Variants in TMTC1 observed in about 807,000 individuals in gnomAD.
TMTC1 encodes the protein transmembrane O-mannosyltransferase targeting cadherins 1.
TMTC1 carries 73 observed loss-of-function variants against 104.8 expected under a neutral mutation model. The observed-to-expected ratio is 0.70, with a 90% CI of 0.58 to 0.85. TMTC1 has a LOEUF of 0.85. Ranked by LOEUF, TMTC1 falls within the 40% of genes least tolerant of loss-of-function variation. The pLI, the probability that TMTC1 is intolerant of heterozygous loss-of-function variation, is 0.00. For missense variants in TMTC1, 1,035 were observed against 1,096.1 expected, an observed-to-expected ratio of 0.94 and a Z score of 0.79; for synonymous variants, 434 against 428.7, an observed-to-expected ratio of 1.01 and a Z score of -0.15.
chr12:29,753,972 T>C (rs1313724866), intron 4 of TMTC1, among the ~76,000 whole-genome samples: 1 of 152,154 alleles, frequency 6.6e-6, no homozygotes, highest in African/African-American at 2.4e-5. Context: ...GTTCAAGCAA[T>C]TCTCCTTCCT....
In TMTC1 at chr12:29,518,613, A is replaced by G. The variant is rs1271007781; in HGVS notation, c.1889-6T>C. The G allele has an allele frequency of 6.2e-7, 1 of 1,613,876 alleles. No individual in the cohort carries two copies. The highest frequency in any genetic ancestry group is 1.7e-5 in the Admixed American group (1 of 60,006). On this transcript the variant is annotated splice_polypyrimidine_tract_variant and splice_region_variant and intron_variant, in intron 12 of 17. Coordinates refer to ENST00000539277, the MANE Select transcript of TMTC1 (RefSeq NM_001193451.2). ...CACTGCCTTTTCTGGTAAGCCTGTAACCAGTGACAGGTTGGTAAGAGCAGA... is the reference window on the plus strand; with the variant it reads ...CACTGCCTTTTCTGGTAAGCCTGTAGCCAGTGACAGGTTGGTAAGAGCAGA...
chr12:29,774,051 G>A (rs1943653495), intron 1 of TMTC1, among the ~76,000 whole-genome samples: 1 of 152,034 alleles, frequency 6.6e-6, no homozygotes, highest in Admixed American at 6.6e-5. Context: ...TGTGCAGGTG[G>A]CATGTGATAA....
intron 5 of TMTC1, among the ~76,000 whole-genome samples, chr12:29,637,097 C>G (rs1268561149): frequency 6.8e-6 from 1 of 146,342 alleles, no homozygotes; most frequent in Non-Finnish European, 1.5e-5. Flanking sequence ...CACACACACA[C>G]ACACACACAC....
At position 29,767,919 on chromosome 12, in the gene TMTC1, T is replaced by C; in HGVS notation, c.459A>G (p.Val153=). The C allele has an allele frequency of 6.2e-7, 1 of 1,613,814 alleles. No homozygotes were observed. Among genetic ancestry groups the C allele is most frequent in the Non-Finnish European group, 8.5e-7 (1 of 1,179,854 alleles). ...TTACCGCCTCAGTATGAATAGGATG[T>C]ACAGCAAAAAGCAATGCCGTTACAA... is the stretch of plus-strand genomic sequence containing the variant. The part of the protein sequence containing the change: ...LAFVTALLFA[V]HPIHTEAVAG... Residue 153 remains valine, a synonymous_variant, in exon 2 of 18, where the codon GTA becomes GTG. Transcript: ENST00000539277.
chr12:29,582,756 T>C (rs960622548), intron 8 of TMTC1, among the ~76,000 whole-genome samples: 24 of 152,202 alleles, frequency 1.6e-4, no homozygotes, highest in African/African-American at 4.6e-4. Flanking sequence ...GGTGACTAAA[T>C]TGACCAATCA....
chr12:29,603,847 G>A (rs1946628175), intron 7 of TMTC1, among the ~76,000 whole-genome samples: 1 of 152,134 alleles, frequency 6.6e-6, no homozygotes, highest in African/African-American at 2.4e-5. Context: ...AACATTTCTA[G>A]AAAAGTATTA....
chr12:29,650,355 G>T (rs1361285655), intron 5 of TMTC1, among the ~76,000 whole-genome samples: 2 of 152,054 alleles, frequency 1.3e-5, no homozygotes, highest in African/African-American at 4.8e-5. Flanking sequence ...AAAGTGCCGG[G>T]ATTACAGGTG....
At position 29,517,498 on chromosome 12, in the gene TMTC1, C is replaced by A. The variant is rs544122742; in HGVS notation, c.2098G>T (p.Glu700Ter). Residue 700 changes from glutamate to a stop codon, truncating the protein, a stop_gained, in exon 14 of 18, where the codon GAA becomes TAA. Transcript: ENST00000539277. LOFTEE classifies it high-confidence loss of function. ...GALYYNTGRY[E>*]EALQIYQEAA... ...TCCTGGTAAATCTGCAAAGCCTCTT[C>A]GTATCGGCCAGTGTTGTAATACAGT... The A allele has an allele frequency of 9.9e-6, 16 of 1,613,990 alleles. No individual in the cohort carries two copies. Among genetic ancestry groups the A allele is most frequent in the African/African-American group, 1.3e-5 (1 of 74,878 alleles).
intron 5 of TMTC1, among the ~76,000 whole-genome samples, chr12:29,637,384 GAATT>G (rs1250452455): frequency 5.3e-5 from 8 of 152,254 alleles, no homozygotes; most frequent in African/African-American, 1.9e-4. Context: ...AAACCAAAAT[GAATT>G]ATTTACCAAT....
chr12:29,741,292 A>G (rs1448201897), intron 5 of TMTC1, among the ~76,000 whole-genome samples: 6 of 152,240 alleles, frequency 3.9e-5, no homozygotes, highest in Non-Finnish European at 7.3e-5. Flanking sequence ...TGTAGTCACA[A>G]GAGTCTCTCA....
intron 5 of TMTC1, among the ~76,000 whole-genome samples, chr12:29,656,424 G>A (rs971753034): frequency 2.7e-5 from 4 of 147,160 alleles, no homozygotes; most frequent in Admixed American, 6.9e-5. Context: ...GTGCAATCTC[G>A]GCTCACTGCA....
At chr12:29,600,232 G>A (rs1946529424) in intron 7 of TMTC1, among the ~76,000 whole-genome samples, 2 of 151,974 alleles carry the variant, frequency 1.3e-5, no homozygotes, top group Admixed American at 1.3e-4. Context: ...GATGCCTATA[G>A]CATCTGTAAA....
chr12:29,570,882 C>CG (rs1555170695), intron 9 of TMTC1, among the ~76,000 whole-genome samples: 17 of 14,082 alleles, frequency 1.2e-3, no homozygotes, highest in African/African-American at 4.5e-3. Context: ...AACAGAAACA[C>CG]CCCCCCCCCC....
At chr12:29,648,982 C>T (rs1168020919) in intron 5 of TMTC1, among the ~76,000 whole-genome samples, 1 of 152,088 alleles carries the variant, frequency 6.6e-6, no homozygotes, top group East Asian at 1.9e-4. Flanking sequence ...TGGTGGACTG[C>T]AAGGATCTGG....
intron 5 of TMTC1, among the ~76,000 whole-genome samples, chr12:29,665,143 C>T (rs1032375775): frequency 1.3e-5 from 2 of 151,858 alleles, no homozygotes; most frequent in African/African-American, 4.8e-5. Context: ...AAGAAACTAC[C>T]CAATTTCAAA....
intron 5 of TMTC1, among the ~76,000 whole-genome samples, chr12:29,718,921 A>G (rs760862127): frequency 7.2e-6 from 1 of 139,114 alleles, no homozygotes; most frequent in Non-Finnish European, 1.5e-5. Flanking sequence ...TGACAGAGCG[A>G]GACTCCATCT....
At chr12:29,679,988 T>C (rs377251381) in intron 5 of TMTC1, among the ~76,000 whole-genome samples, 2 of 152,306 alleles carry the variant, frequency 1.3e-5, no homozygotes, top group South Asian at 2.1e-4. Flanking sequence ...AAAAGAATTA[T>C]TAAAAACCCC....
At chr12:29,680,702 T>C (rs1940885000) in intron 5 of TMTC1, among the ~76,000 whole-genome samples, 1 of 152,200 alleles carries the variant, frequency 6.6e-6, no homozygotes, top group South Asian at 2.1e-4. Flanking sequence ...TAATTGGGTA[T>C]GTCTCTTATG....
intron 5 of TMTC1, among the ~76,000 whole-genome samples, chr12:29,718,787 G>A (rs11614262): frequency 0.088 from 13,401 of 151,998 alleles, 667 homozygotes; most frequent in East Asian, 0.15. Flanking sequence ...CAAAAAATTA[G>A]CCACGAGTGG....
Sources: allele counts gnomAD v4.1 joint callset (sites outside exome capture counted in the v4.1 genomes callset), GRCh38; gene constraint gnomAD v4.1.1; transcripts MANE v1.5; gene names NCBI Gene and HGNC (gene_info 2026-07-23, HGNC 2026-07-21).